The following FNDC3A variants were observed in gnomAD, a reference collection of about 807,000 sequenced individuals.
FNDC3A encodes the protein fibronectin type-III domain-containing protein 3A.
FNDC3A carries 32 observed loss-of-function variants against 148.9 expected under a neutral mutation model. The ratio of observed to expected loss-of-function variants is 0.21; its 90% confidence interval spans 0.16 to 0.29. FNDC3A has a LOEUF of 0.29. Ranked by LOEUF, FNDC3A falls within the 10% of genes least tolerant of loss-of-function variation. The pLI is 1.00. For synonymous variants in FNDC3A, 472 were observed against 473.6 expected (o/e 1.00, Z 0.04); for missense variants, 1,191 against 1,452.8 (o/e 0.82, Z 2.93).
At chr13:48,978,593 T>G (rs575319764) in intron 1 of FNDC3A, among the ~76,000 whole-genome samples, 6 of 152,280 alleles carry the variant, frequency 3.9e-5, no homozygotes, top group Admixed American at 6.5e-5. Flanking sequence ...TGTAGGGATA[T>G]GCACATGATT....
chr13:49,158,658 A>G (rs1883883762), intron 8 of FNDC3A, among the ~76,000 whole-genome samples: 1 of 152,268 alleles, frequency 6.6e-6, no homozygotes, highest in South Asian at 2.1e-4. Flanking sequence ...TTTTGTTGCC[A>G]TTGCTTTCGG....
chr13:49,129,910 AATT>A (rs1881928457), intron 4 of FNDC3A, among the ~76,000 whole-genome samples: 4 of 152,176 alleles, frequency 2.6e-5, no homozygotes, highest in African/African-American at 9.7e-5. Flanking sequence ...TTTATAAAAT[AATT>A]TGCTATCCTT....
At chr13:48,989,837 C>T (rs992030382) in intron 1 of FNDC3A, among the ~76,000 whole-genome samples, 14 of 151,356 alleles carry the variant, frequency 9.2e-5, no homozygotes, top group Non-Finnish European at 1.5e-5. Flanking sequence ...CTGTAACCTT[C>T]GCCTCCCAGG....
At chr13:49,069,484 A>C (rs932466212) in intron 2 of FNDC3A, among the ~76,000 whole-genome samples, 2 of 152,126 alleles carry the variant, frequency 1.3e-5, no homozygotes, top group Non-Finnish European at 2.9e-5. Flanking sequence ...GAACACAGTA[A>C]ACTTAATGTC....
chr13:49,206,341 A>T (rs9568168), intron 25 of FNDC3A, among the ~76,000 whole-genome samples: 47,619 of 151,080 alleles, frequency 0.32, 7,584 homozygotes, highest in South Asian at 0.48. Flanking sequence ...ATAGCTTCTT[A>T]TTTATGCCTA....
chr13:49,142,609 A>G (rs1349782055), intron 7 of FNDC3A, among the ~76,000 whole-genome samples: 1 of 152,236 alleles, frequency 6.6e-6, no homozygotes, highest in East Asian at 1.9e-4. Flanking sequence ...TTCACCTGAA[A>G]CCAGCAACAG....
At chr13:49,058,405 C>T (rs1404505776) in intron 2 of FNDC3A, among the ~76,000 whole-genome samples, 1 of 152,036 alleles carries the variant, frequency 6.6e-6, no homozygotes, top group Non-Finnish European at 1.5e-5. Flanking sequence ...TGTCTGCTTG[C>T]GGATTTCATT....
At chr13:49,024,333 C>T (rs1873542058) in intron 2 of FNDC3A, among the ~76,000 whole-genome samples, 1 of 151,860 alleles carries the variant, frequency 6.6e-6, no homozygotes, top group Admixed American at 6.6e-5. Flanking sequence ...TCAAATTATT[C>T]CAAAAAGTTA....
intron 13 of FNDC3A, among the ~76,000 whole-genome samples, chr13:49,177,872 T>C (rs1273318913): frequency 2.0e-5 from 3 of 152,152 alleles, no homozygotes; most frequent in Non-Finnish European, 4.4e-5. Context: ...TGTTAGTAGA[T>C]AGGTGGAGGG....
intron 2 of FNDC3A, among the ~76,000 whole-genome samples, chr13:49,026,837 A>G (rs890823992): frequency 6.6e-6 from 1 of 152,224 alleles, no homozygotes; most frequent in Non-Finnish European, 1.5e-5. Context: ...TTTCTAAAGT[A>G]GATCAATGAA....
intron 2 of FNDC3A, among the ~76,000 whole-genome samples, chr13:49,020,542 C>T (rs1427881972): frequency 6.6e-6 from 1 of 152,254 alleles, no homozygotes; most frequent in East Asian, 1.9e-4. Flanking sequence ...CTGTGCGCCA[C>T]ATAGTCTTCA....
chr13:49,028,602 C>T (rs1055608061), intron 2 of FNDC3A, among the ~76,000 whole-genome samples: 1 of 152,072 alleles, frequency 6.6e-6, no homozygotes, highest in Admixed American at 6.5e-5. Flanking sequence ...AATAAGAGAA[C>T]TTGTAACCCA....
chr13:49,142,782 A>G lies in FNDC3A; in HGVS notation c.820-2996A>G, dbSNP rs187070451. Among the ~76,000 whole-genome samples the G allele has an allele frequency of 2.9e-3, 437 of 152,316 alleles. 3 individuals are homozygous for G. The highest frequency in any genetic ancestry group is 0.019 in the South Asian group (92 of 4,830). On this transcript the variant is annotated intron_variant, in intron 7 of 25. Coordinates refer to ENST00000492622, the MANE Select transcript of FNDC3A (RefSeq NM_001079673.2). Reference sequence around the variant, plus strand: ...CAAGTTCTTTAAGATTCAATTCAAAATTCACTTATGAAGTTTTCCACATCT... The same window carrying G: ...CAAGTTCTTTAAGATTCAATTCAAAGTTCACTTATGAAGTTTTCCACATCT...
chr13:49,180,989 G>T (rs1193383595), intron 14 of FNDC3A, among the ~76,000 whole-genome samples: 4 of 152,176 alleles, frequency 2.6e-5, no homozygotes, highest in African/African-American at 9.7e-5. Context: ...GCTGAGACAG[G>T]AGGATCATAT....
At chr13:49,096,640 C>G (rs1879542833) in intron 3 of FNDC3A, among the ~76,000 whole-genome samples, 1 of 152,036 alleles carries the variant, frequency 6.6e-6, no homozygotes, top group African/African-American at 2.4e-5. Flanking sequence ...GCTCTTTTCC[C>G]TAGAGAGAGA....
At chr13:49,081,420 G>A (rs1878462703) in intron 3 of FNDC3A, among the ~76,000 whole-genome samples, 1 of 152,170 alleles carries the variant, frequency 6.6e-6, no homozygotes, top group Non-Finnish European at 1.5e-5. Context: ...CAGTAGTTAA[G>A]CAGAAGGGTA....
chr13:49,070,201 G>A (rs1375699766), intron 2 of FNDC3A, among the ~76,000 whole-genome samples: 2 of 151,488 alleles, frequency 1.3e-5, no homozygotes, highest in African/African-American at 4.9e-5. Flanking sequence ...GCATGATCTC[G>A]GCTCACTGCA....
intron 7 of FNDC3A, among the ~76,000 whole-genome samples, chr13:49,144,004 A>G (rs531335129): frequency 6.7e-6 from 1 of 149,756 alleles, no homozygotes; most frequent in Non-Finnish European, 1.5e-5. Context: ...TACTACTACT[A>G]CTACTACTGC....
chr13:49,006,226 G>C lies in FNDC3A; in HGVS notation c.36G>C (p.Gln12His), dbSNP rs968712018. The change falls in exon 2 of 26, where the codon CAG becomes CAC. Residue 12 changes from glutamine (Q) to histidine (H), a missense_variant. Around this residue, in one of 3 missense-constraint regions of FNDC3A, gnomAD observed 426 missense variants for 473.2 expected, o/e 0.90. Coordinates refer to ENST00000492622, the MANE Select transcript of FNDC3A (RefSeq NM_001079673.2). ...ATCCACCACTACTGGATACAACTCA[G>C]ATCTTAAGTAGTGATATTTCTCTTT... ...AEHPPLLDTT[Q>H]ILSSDISLLS... The C allele has an allele frequency of 7.5e-6, 12 of 1,609,224 alleles. No homozygotes were observed. In the African/African-American group the frequency reaches 1.2e-4, roughly 16 times the overall value.
Sources: gnomAD v4.1 joint callset for allele counts (sites outside exome capture counted in the v4.1 genomes callset) on GRCh38, gnomAD v4.1.1 for gene constraint, gnomAD v4.1.1 regional missense constraint, MANE v1.5 for transcripts, NCBI Gene and HGNC (gene_info 2026-07-23, HGNC 2026-07-21) for gene names.